Variants in DLEC1 observed in about 807,000 individuals in gnomAD.
The protein encoded by DLEC1 is deleted in lung and esophageal cancer protein 1.
Under a neutral mutation model 198.1 loss-of-function variants are expected in DLEC1, and 146 were observed. The ratio of observed to expected loss-of-function variants is 0.74; its 90% CI spans 0.64 to 0.85. The LOEUF (loss-of-function observed/expected upper bound fraction) is 0.85. Ranked by LOEUF, DLEC1 falls within the 40% of genes least tolerant of loss-of-function variation. DLEC1 has a pLI of 0.00. For missense variants in DLEC1, 2,233 were observed against 2,220.0 expected, an observed-to-expected ratio of 1.01 and a Z score of -0.12; for synonymous variants, 897 against 866.8, an observed-to-expected ratio of 1.03 and a Z score of -0.61.
intron 13 of DLEC1, chr3:38,095,304 T>G: frequency 1.8e-6 from 1 of 560,952 alleles, no homozygotes; most frequent in Non-Finnish European, 3.2e-6. Context: ...GACCCTTGGC[T>G]GGCTTCCTCC....
chr3:38,068,944 G>T (rs1016929334), intron 6 of DLEC1, among the ~76,000 whole-genome samples: 11 of 152,186 alleles, frequency 7.2e-5, no homozygotes, highest in Non-Finnish European at 1.6e-4. Flanking sequence ...TTGGAAACAT[G>T]GGGGATAGGA....
chr3:38,099,204 T>G (rs1393950494), intron 18 of DLEC1, among the ~76,000 whole-genome samples: 1 of 152,146 alleles, frequency 6.6e-6, no homozygotes, highest in Non-Finnish European at 1.5e-5. Flanking sequence ...AGGGATTTCC[T>G]GGGATTTTCC....
chr3:38,119,783 C>T (rs142795633), intron 33 of DLEC1, among the ~76,000 whole-genome samples: 408 of 152,282 alleles, frequency 2.7e-3, no homozygotes, highest in Non-Finnish European at 4.9e-3. Context: ...ATCCTCCCAA[C>T]TCAGCCTCCC....
rs759933965 is a variant in DLEC1 at position 38,093,671 on chromosome 3, GAGA to G, written c.1824_1826del (p.Glu609del). ...GGTGAAAAAAGCCAGCCAGACCCTG[GAGA>G]GCTCACAGACTTAACAGCCCAGCAC... is the stretch of plus-strand genomic sequence containing the variant. On this transcript the variant is annotated inframe_deletion, in exon 12 of 37. Transcript: ENST00000308059. The G allele has an allele frequency of 3.1e-6, 5 of 1,614,240 alleles. No individual in the cohort carries two copies. Among genetic ancestry groups the G allele is most frequent in the Non-Finnish European group, 4.2e-6 (5 of 1,180,054 alleles).
At chr3:38,056,972 G>C (rs756704881) in intron 2 of DLEC1, among the ~76,000 whole-genome samples, 1 of 152,220 alleles carries the variant, frequency 6.6e-6, no homozygotes, top group Non-Finnish European at 1.5e-5. Flanking sequence ...ATGATGTCAG[G>C]GAAAGGAATG....
At chr3:38,051,820 CTA>C (rs1472622075) in intron 2 of DLEC1, 1 of 154,486 alleles carries the variant, frequency 6.5e-6, no homozygotes, top group East Asian at 1.9e-4. Context: ...AATGATAAAA[CTA>C]TAAAATTATG....
In DLEC1 at chr3:38,122,118, A is replaced by G. The variant is rs370763100; in HGVS notation, c.5068A>G (p.Asn1690Asp). The G allele has an allele frequency of 1.7e-4, 280 of 1,614,116 alleles. 4 individuals are homozygous for G. The highest frequency in any genetic ancestry group is 1.6e-3 in the East Asian group (74 of 44,884). The change falls in exon 36 of 37, where the codon AAC becomes GAC. Residue 1690 changes from asparagine (N) to aspartate (D), a missense_variant. Physicochemically the swap from Asn to Asp is conservative, Grantham distance 23. Transcript: ENST00000308059. ...KAAVAFRVSP[N>D]SGLLEARSAN... The stretch of plus-strand genomic sequence containing the variant: ...CGCTGTGGCCTTCAGGGTCTCCCCA[A>G]ACAGTGGGCTGCTAGAAGCACGATC...
rs1415225296 is a variant in DLEC1, at chr3:38,121,658, C to A, written c.4897C>A (p.Pro1633Thr). 36 of 1,613,826 alleles carry A rather than the reference C, an allele frequency of 2.2e-5. No homozygotes were observed. Among genetic ancestry groups the A allele is most frequent in the Non-Finnish European group, 2.8e-5 (33 of 1,179,946 alleles). The part of the protein sequence containing the change: ...VVPLRAVVAV[P>T]ELQLSTSWVD... ...GCCCCTGCGGGCTGTGGTGGCCGTGCCTGAGCTGCAGCTCTCCACCAGCTG... is the reference window on the plus strand; with the variant it reads ...GCCCCTGCGGGCTGTGGTGGCCGTGACTGAGCTGCAGCTCTCCACCAGCTG... The change falls in exon 35 of 37, where the codon CCT (proline) becomes ACT (threonine). Residue 1633 changes from proline to threonine, a missense_variant. By Grantham distance (38) the Pro-to-Thr change is conservative (BLOSUM62 -1). Coordinates refer to ENST00000308059, the MANE Select transcript of DLEC1 (RefSeq NM_007335.4).
chr3:38,063,750 T>G, intron 5 of DLEC1, 91 bp from the exon 6 acceptor site: 1 of 921,566 alleles, frequency 1.1e-6, no homozygotes, highest in Non-Finnish European at 1.8e-6. Flanking sequence ...GGTCTTTATG[T>G]ATTTATTTTT....
In DLEC1 at chr3:38,093,825, T is replaced by G. The variant is rs2125691715; in HGVS notation, c.1919+58T>G. ...ACCCTTCTTCTTGCTTACCTGGCCCTCAGTCCCAGTGAGACAGGAGGTCCT... is the reference window on the plus strand; with the variant it reads ...ACCCTTCTTCTTGCTTACCTGGCCCGCAGTCCCAGTGAGACAGGAGGTCCT... On this transcript the variant is annotated intron_variant, in intron 12 of 36. Coordinates refer to ENST00000308059, the MANE Select transcript of DLEC1 (RefSeq NM_007335.4). 4 of 1,598,236 alleles carry G rather than the reference T, an allele frequency of 2.5e-6. No homozygotes were observed. In the East Asian group the frequency reaches 6.7e-5, roughly 27 times the overall value.
intron 7 of DLEC1, among the ~76,000 whole-genome samples, chr3:38,084,485 A>T (rs1338292881): frequency 3.2e-4 from 2 of 6,302 alleles, no homozygotes; most frequent in African/African-American, 1.0e-3. Context: ...TGGTGGTAGT[A>T]GTGGTGGTAG....
At chr3:38,092,045 A>G (rs529587228) in intron 10 of DLEC1, among the ~76,000 whole-genome samples, 37 of 152,378 alleles carry the variant, frequency 2.4e-4, no homozygotes, top group Admixed American at 9.1e-4. Context: ...TGATGTGATC[A>G]TTGCTCACTG....
At chr3:38,042,537 C>T (rs2125569496) in intron 1 of DLEC1, among the ~76,000 whole-genome samples, 1 of 144,442 alleles carries the variant, frequency 6.9e-6, no homozygotes, top group African/African-American at 2.5e-5. Flanking sequence ...TATTCCACTT[C>T]TGTAATGTTG....
chr3:38,111,653 A>G (rs1428722493), intron 23 of DLEC1, 24 bp from the exon 24 acceptor site: 3 of 1,609,416 alleles, frequency 1.9e-6, no homozygotes, highest in African/African-American at 1.3e-5. Context: ...ACTTGATACT[A>G]TTTCTGTGTC....
chr3:38,119,913 G>A (rs953612773), intron 33 of DLEC1, among the ~76,000 whole-genome samples: 21 of 152,026 alleles, frequency 1.4e-4, no homozygotes, highest in Admixed American at 1.3e-3. Flanking sequence ...TGGGTGAGGC[G>A]CAAGAATTTA....
At chr3:38,040,419 G>A (rs13321094) in intron 1 of DLEC1, among the ~76,000 whole-genome samples, 1,741 of 152,264 alleles carry the variant, frequency 0.011, 27 homozygotes, top group African/African-American at 0.038. Context: ...ACTCACACAC[G>A]CAACCTGTCC....
intron 1 of DLEC1, among the ~76,000 whole-genome samples, chr3:38,043,327 G>A (rs1474924507): frequency 6.6e-6 from 1 of 152,170 alleles, no homozygotes; most frequent in Non-Finnish European, 1.5e-5. Flanking sequence ...TTACAACATG[G>A]TAAGCCCTCA....
At chr3:38,085,172 A>T in intron 7 of DLEC1, 102 bp from the exon 8 acceptor site, 2 of 1,332,208 alleles carry the variant, frequency 1.5e-6, no homozygotes, top group Non-Finnish European at 2.1e-6. Flanking sequence ...GAAGGCACTT[A>T]CAGAGCCAGC....
chr3:38,100,431 G>C lies in DLEC1; in HGVS notation c.2864+6G>C. ...GTGGAAAATGGTGCCTGGAGGTAAG[G>C]GTGCCGTGGGAAGAGCCACTACAAC... On this transcript the variant is annotated splice_donor_region_variant and intron_variant, in intron 19 of 36. Transcript: ENST00000308059. 1.2e-6 allele frequency: 2 copies of C among 1,608,718 alleles called. No individual in the cohort carries two copies. The highest frequency in any genetic ancestry group is 1.7e-6 in the Non-Finnish European group (2 of 1,177,868).
Sources: allele counts gnomAD v4.1 joint callset (sites outside exome capture counted in the v4.1 genomes callset), GRCh38; gene constraint gnomAD v4.1.1; transcripts MANE v1.5; gene names NCBI Gene and HGNC (gene_info 2026-07-23, HGNC 2026-07-21).